GZMA: variants seen among roughly 807,000 people sequenced by gnomAD.
The protein encoded by GZMA is granzyme A, also known as CTL tryptase.
Under a neutral mutation model 21.1 loss-of-function variants are expected in GZMA, and 17 were observed. The observed-to-expected ratio is 0.81, with a 90% confidence interval of 0.55 to 1.21. GZMA has a LOEUF of 1.21. Ranked by LOEUF, GZMA falls within the 50% of genes most tolerant of loss-of-function variation. GZMA has a pLI of 0.00. For synonymous variants in GZMA, 90 were observed against 107.8 expected (o/e 0.83, Z 1.03); for missense variants, 306 against 315.9 (o/e 0.97, Z 0.24).
chr5:55,102,880 A>G (rs1287848283), intron 1 of GZMA, 128 bp downstream of exon 1: 4 of 689,010 alleles, frequency 5.8e-6, no homozygotes. Flanking sequence ...TATAATGTTT[A>G]GCCAGGCACA....
chr5:55,109,947 C>T, intron 4 of GZMA, 74 bp from the exon 5 acceptor site: 1 of 1,119,724 alleles, frequency 8.9e-7, no homozygotes, highest in Non-Finnish European at 1.2e-6. Context: ...TTAAATGCTG[C>T]AGAATTTCTT....
At chr5:55,104,566 T>C (rs1202827953) in intron 1 of GZMA, among the ~76,000 whole-genome samples, 2 of 152,210 alleles carry the variant, frequency 1.3e-5, no homozygotes, top group African/African-American at 2.4e-5. Context: ...GTCCTAATTA[T>C]GGAACAAGAG....
At chr5:55,107,733 T>A in intron 2 of GZMA, 61 bp from the exon 3 acceptor site, 1 of 1,348,830 alleles carries the variant, frequency 7.4e-7, no homozygotes, top group Non-Finnish European at 1.1e-6. Flanking sequence ...CTGATCAGTA[T>A]ATATGCTCAA....
rs201968763 is a variant in GZMA at position 55,110,105 on chromosome 5, C to T, written c.712C>T (p.Arg238Cys). Residue 238 changes from arginine to cysteine, a missense_variant, in exon 5 of 5, where the codon CGT (arginine) becomes TGT (cysteine). By Grantham distance (180) the Arg-to-Cys change is radical. Transcript: ENST00000274306. ...FGLENKCGDP[R>C]GPGVYILLSK... is the part of the protein sequence containing the mutation. Reference sequence around the variant, plus strand: ...CCTTGAAAATAAATGCGGAGACCCTCGTGGGCCTGGTGTCTATATTCTTCT... The same window carrying T: ...CCTTGAAAATAAATGCGGAGACCCTTGTGGGCCTGGTGTCTATATTCTTCT... 217 of 1,611,928 alleles carry T rather than the reference C, an allele frequency of 1.3e-4. No homozygotes were observed. The highest frequency in any genetic ancestry group is 2.3e-4 in the Admixed American group (14 of 59,936).
chr5:55,106,713 A>G (rs1488997136), intron 2 of GZMA, among the ~76,000 whole-genome samples: 1 of 151,704 alleles, frequency 6.6e-6, no homozygotes, highest in Non-Finnish European at 1.5e-5. Flanking sequence ...CCATCTCTTC[A>G]CTCCTGTCGA....
At chr5:55,108,799 C>T (rs1314132665) in intron 4 of GZMA, among the ~76,000 whole-genome samples, 2 of 152,190 alleles carry the variant, frequency 1.3e-5, no homozygotes, top group African/African-American at 4.8e-5. Flanking sequence ...TTCCCCACTA[C>T]GTTCCTCTGC....
rs1368086214 is a variant in GZMA at position 55,107,869 on chromosome 5, TAAGA to T, written c.296_299del (p.Lys99SerfsTer21). On this transcript the variant is annotated frameshift_variant, in exon 3 of 5. Coordinates refer to ENST00000274306, the MANE Select transcript of GZMA (RefSeq NM_006144.4). LOFTEE classifies it high-confidence loss of function. Reference sequence around the variant, plus strand: ...AGCCAACAAAACAGATAATGCTTGTTAAGAAAGAGTTTCCCTATCCATGCTATGA... The same window carrying T: ...AGCCAACAAAACAGATAATGCTTGTTAAGAGTTTCCCTATCCATGCTATGA... The T allele has an allele frequency of 6.2e-7, 1 of 1,613,140 alleles. No individual in the cohort carries two copies. Among genetic ancestry groups the T allele is most frequent in the South Asian group, 1.1e-5 (1 of 91,060 alleles).
chr5:55,110,172 G>T lies in GZMA; in HGVS notation c.779G>T (p.Gly260Val), dbSNP rs541748179. The T allele has an allele frequency of 2.3e-5, 37 of 1,587,930 alleles. No homozygotes were observed. The African/African-American group carries it at 2.7e-4, about 12-fold the overall frequency. ...AACTGGATAATTATGACTATCAAGGGAGCAGTTTAAATAACCGTTTCCTTT... is the reference window on the plus strand; with the variant it reads ...AACTGGATAATTATGACTATCAAGGTAGCAGTTTAAATAACCGTTTCCTTT... Reference protein sequence around the residue: ...HLNWIIMTIKGAV With the variant: ...HLNWIIMTIKVAV The change falls in exon 5 of 5, where the codon GGA becomes GTA. Residue 260 changes from glycine (G) to valine (V), a missense_variant. By Grantham distance (109) the Gly-to-Val change is moderately radical. Transcript: ENST00000274306.
intron 2 of GZMA, among the ~76,000 whole-genome samples, chr5:55,106,215 TAA>T (rs1333455204): frequency 0.027 from 16 of 598 alleles, 5 homozygotes; most frequent in East Asian, 0.33. Flanking sequence ...TAAAATAAAA[TAA>T]AAAATAAAAT....
At chr5:55,108,554 C>T (rs939972212) in intron 4 of GZMA, among the ~76,000 whole-genome samples, 160 bp downstream of exon 4, 2 of 152,086 alleles carry the variant, frequency 1.3e-5, no homozygotes, top group African/African-American at 4.8e-5. Context: ...AATGAATGCT[C>T]GCAGCTCAAG....
At chr5:55,102,826 A>G in intron 1 of GZMA, 74 bp downstream of exon 1, 1 of 909,726 alleles carries the variant, frequency 1.1e-6, no homozygotes, top group Non-Finnish European at 1.9e-6. Context: ...ACTTTTGGCA[A>G]TATTACCTTC....
rs1381530306 is a variant in GZMA at position 55,106,291 on chromosome 5, T to TAA, written c.215+676_215+677dup. On this transcript the variant is annotated intron_variant, in intron 2 of 4. Transcript: ENST00000274306. ...TAAAATAAAATAAAATAAAATAAAA[T>TAA]AAAATAAAATATAAAATAAAATAAA... is the stretch of plus-strand genomic sequence containing the variant. Among the ~76,000 whole-genome samples, 2 of 6,034 alleles carry TAA rather than the reference T, an allele frequency of 3.3e-4. 1 individual carries two copies. Among genetic ancestry groups the TAA allele is most frequent in the African/African-American group, 5.0e-4 (2 of 3,988 alleles). 4.0% of individuals were successfully genotyped at this position (6,034 alleles called of 152,430 possible). A position where few individuals can be genotyped will look rare whatever the true frequency, so the allele number is the denominator to read the frequency against.
At position 55,108,310 on chromosome 5, in the gene GZMA, T is replaced by C; in HGVS notation, c.543T>C (p.Asp181=). 1 of 1,613,572 alleles carries C rather than the reference T, an allele frequency of 6.2e-7. No individual in the cohort carries two copies. Among genetic ancestry groups the C allele is most frequent in the South Asian group, 1.1e-5 (1 of 91,078 alleles). The change falls in exon 4 of 5, where the codon GAT becomes GAC. Residue 181 remains aspartate (D), a synonymous_variant. Coordinates refer to ENST00000274306, the MANE Select transcript of GZMA (RefSeq NM_006144.4). ...ITIIDRKVCN[D]RNHYNFNPVI... Reference sequence around the variant, plus strand: ...TCATAGACAGAAAAGTCTGCAATGATCGAAATCACTATAATTTTAACCCTG... The same window carrying C: ...TCATAGACAGAAAAGTCTGCAATGACCGAAATCACTATAATTTTAACCCTG...
At chr5:55,107,045 G>A (rs1240034086) in intron 2 of GZMA, among the ~76,000 whole-genome samples, 1 of 152,048 alleles carries the variant, frequency 6.6e-6, no homozygotes, top group Non-Finnish European at 1.5e-5. Context: ...TTGCACATAT[G>A]TTGGGGATAC....
intron 4 of GZMA, among the ~76,000 whole-genome samples, chr5:55,108,887 CTTAGT>C (rs1326547111): frequency 6.6e-6 from 1 of 152,180 alleles, no homozygotes; most frequent in Non-Finnish European, 1.5e-5. Context: ...CTTCCTAGAG[CTTAGT>C]TTAATCTGCA....
chr5:55,105,656 T>A (rs1223565334), intron 2 of GZMA, 38 bp downstream of exon 2: 1 of 1,559,836 alleles, frequency 6.4e-7, no homozygotes, highest in East Asian at 2.2e-5. Flanking sequence ...TTTGTAAAGA[T>A]ACTCTAATTT....
chr5:55,106,531 G>A (rs1368195430), intron 2 of GZMA, among the ~76,000 whole-genome samples: 1 of 152,094 alleles, frequency 6.6e-6, no homozygotes, highest in East Asian at 1.9e-4. Context: ...GGGTACAGGT[G>A]CTGCAGAGCT....
Position 55,110,007 on chromosome 5 carries a change from T to C in GZMA, c.628-14T>C, listed in dbSNP as rs1471459906. 2.5e-6 allele frequency: 4 copies of C among 1,582,252 alleles called. No individual in the cohort carries two copies. Among genetic ancestry groups the C allele is most frequent in the African/African-American group, 1.4e-5 (1 of 73,276 alleles). ...ACACTGACCCCACACCCTACCCCTC[T>C]TGTTTTCCTCCAGGGAGATTCTGGA... is the stretch of plus-strand genomic sequence containing the variant. On this transcript the variant is annotated splice_polypyrimidine_tract_variant and intron_variant, in intron 4 of 4. Transcript: ENST00000274306.
At chr5:55,104,969 G>C (rs2111751772) in intron 1 of GZMA, among the ~76,000 whole-genome samples, 1 of 152,292 alleles carries the variant, frequency 6.6e-6, no homozygotes, top group Middle Eastern at 3.4e-3. Flanking sequence ...AATGACCAAA[G>C]GACTGAGGGG....
Sources: allele counts gnomAD v4.1 joint callset (sites outside exome capture counted in the v4.1 genomes callset), GRCh38; gene constraint gnomAD v4.1.1; transcripts MANE v1.5; gene names NCBI Gene and HGNC (gene_info 2026-07-23, HGNC 2026-07-21).